Variants in ZMAT1 observed in about 807,000 individuals in gnomAD.
ZMAT1 encodes the protein zinc finger matrin-type protein 1.
In ZMAT1, 11 loss-of-function variants were observed where a neutral mutation model predicts 18.5. The observed-to-expected ratio is 0.59, with a 90% CI of 0.37 to 0.98. ZMAT1 has a LOEUF of 0.98. Ranked by LOEUF, ZMAT1 falls within the 50% of genes least tolerant of loss-of-function variation. The pLI, the probability that ZMAT1 is intolerant of heterozygous loss-of-function variation, is 0.01. For synonymous variants in ZMAT1, 211 were observed against 176.4 expected, an observed-to-expected ratio of 1.20 and a Z score of -1.55; for missense variants, 525 against 496.2, an observed-to-expected ratio of 1.06 and a Z score of -0.55.
chrX:101,884,651 A>G lies in ZMAT1; in HGVS notation c.947T>C (p.Val316Ala), dbSNP rs1215438097. The G allele has an allele frequency of 5.0e-6, 6 of 1,208,751 alleles. No individual in the cohort carries two copies. Among genetic ancestry groups the G allele is most frequent in the Non-Finnish European group, 6.7e-6 (6 of 894,790 alleles). ...SLETRRYREVVDSRPRHRMFE... is the reference protein window; with the variant it reads ...SLETRRYREVADSRPRHRMFE... ...CATTCTATGTCTGGGTCTGGAATCGACCACTTCTCTGTATCTACGGGTTTC... is the reference window on the plus strand; with the variant it reads ...CATTCTATGTCTGGGTCTGGAATCGGCCACTTCTCTGTATCTACGGGTTTC... Residue 316 changes from valine (V) to alanine (A), a missense_variant, in exon 6 of 6, where the codon GTC becomes GCC. By Grantham distance (64) the Val-to-Ala change is moderately conservative. Coordinates refer to ENST00000651725, the MANE Select transcript of ZMAT1 (RefSeq NM_001394560.1).
At chrX:101,918,449 C>CAT (rs772040542) in intron 1 of ZMAT1, 1 of 58,834 alleles carries the variant, frequency 1.7e-5, no homozygotes, top group Non-Finnish European at 3.3e-5. Context: ...CTAAAATACA[C>CAT]ACACACACAC....
intron 2 of ZMAT1, among the ~76,000 whole-genome samples, chrX:101,898,801 A>G (rs1310666428): frequency 1.8e-5 from 2 of 112,017 alleles, no homozygotes; most frequent in Non-Finnish European, 3.8e-5. Context: ...CTGTAATCCC[A>G]GCACTTTGCG....
At chrX:101,893,743 T>G (rs966279636) in intron 4 of ZMAT1, among the ~76,000 whole-genome samples, 1 of 111,234 alleles carries the variant, frequency 9.0e-6, no homozygotes, top group Admixed American at 9.6e-5. Flanking sequence ...AGGAAGCACA[T>G]AAGATTAACC....
intron 1 of ZMAT1, among the ~76,000 whole-genome samples, chrX:101,906,018 G>A (rs1928601052): frequency 9.0e-6 from 1 of 111,154 alleles, no homozygotes; most frequent in African/African-American, 3.3e-5. Context: ...ACCAAGCCCA[G>A]CATAGAGTGG....
At chrX:101,909,401 A>T (rs1928812625) in intron 1 of ZMAT1, among the ~76,000 whole-genome samples, 1 of 111,362 alleles carries the variant, frequency 9.0e-6, no homozygotes, top group Admixed American at 9.5e-5. Flanking sequence ...GGAAAAGTAA[A>T]GAGGACTTTG....
chrX:101,893,607 A>G (rs1010548342), intron 4 of ZMAT1, among the ~76,000 whole-genome samples: 6 of 111,844 alleles, frequency 5.4e-5, no homozygotes, highest in Admixed American at 1.9e-4. Flanking sequence ...AAGTGGTCCT[A>G]TTTCTGTGCG....
chrX:101,907,163 C>T (rs919551788), intron 1 of ZMAT1, among the ~76,000 whole-genome samples: 9 of 112,162 alleles, frequency 8.0e-5, no homozygotes, highest in African/African-American at 2.9e-4. Context: ...TCAGCCATCT[C>T]CTATAGACTC....
rs1161232053 is a variant in ZMAT1, at chrX:101,929,456, T to TATATATATATATAC, written c.292+2260_292+2261insGTATATATATATAT. 4.7e-5 allele frequency among the ~76,000 whole-genome samples: 4 copies of TATATATATATATAC among 85,476 alleles called. 1 individual carries two copies. Among genetic ancestry groups the TATATATATATATAC allele is most frequent in the African/African-American group, 8.4e-5 (2 of 23,766 alleles). 74.2% of individuals were successfully genotyped at this position (85,476 alleles called of 115,157 possible). ...ATATATATATATATATATATATATA[T>TATATATATATATAC]ACACACAGAGAGAGAGAGAGAGAGA... On this transcript the variant is annotated intron_variant, in intron 1 of 5. Transcript: ENST00000651725.
At position 101,919,102 on chromosome X, in the gene ZMAT1, A is replaced by C. The variant is rs1404017532; in HGVS notation, c.292+12615T>G. 4.8e-4 allele frequency among the ~76,000 whole-genome samples: 54 copies of C among 111,572 alleles called. No individual in the cohort carries two copies. In the Admixed American group the frequency reaches 5.2e-3, roughly 11 times the overall value. ...CTTCTCCCCAGAAAATTATTGACTC[A>C]TATCAATTCTAGCTTATAACATTTT... On this transcript the variant is annotated intron_variant, in intron 1 of 5. Coordinates refer to ENST00000651725, the MANE Select transcript of ZMAT1 (RefSeq NM_001394560.1).
At chrX:101,894,813 A>C in intron 4 of ZMAT1, 1 of 752,781 alleles carries the variant, frequency 1.3e-6, no homozygotes, top group Non-Finnish European at 1.6e-6. Flanking sequence ...GGGTAAAGAA[A>C]GAACTGAAAA....
At chrX:101,918,208 T>C (rs1929464583) in intron 1 of ZMAT1, among the ~76,000 whole-genome samples, 1 of 111,316 alleles carries the variant, frequency 9.0e-6, no homozygotes, top group Non-Finnish European at 1.9e-5. Context: ...ATGGATAAAT[T>C]AGGGGATGGA....
At chrX:101,931,356 T>G in intron 1 of ZMAT1, 1 of 644,238 alleles carries the variant, frequency 1.6e-6, no homozygotes, top group Non-Finnish European at 1.9e-6. Context: ...TCTTGCCTCC[T>G]CTCTCTTCCA....
At chrX:101,903,950 T>C (rs763827142) in intron 2 of ZMAT1, among the ~76,000 whole-genome samples, 1 of 111,780 alleles carries the variant, frequency 8.9e-6, no homozygotes, top group South Asian at 3.8e-4. Context: ...TTATATTTAA[T>C]ACAAGGGTGG....
Position 101,898,040 on chromosome X carries a change from C to A in ZMAT1, c.504G>T (p.Val168=), listed in dbSNP as rs1254027502. ...KMKMHVENFQ[V]HRYEGVDKNK... The stretch of plus-strand genomic sequence containing the variant: ...TTTTGTCCACTCCTTCATACCTATG[C>A]ACCTGAAATAGGCACAATCTTGTTA... The change falls in exon 4 of 6, where the codon GTG becomes GTT. Residue 168 remains valine, a splice_region_variant and synonymous_variant. Coordinates refer to ENST00000651725, the MANE Select transcript of ZMAT1 (RefSeq NM_001394560.1). The A allele has an allele frequency of 7.4e-6, 9 of 1,210,704 alleles. No homozygotes were observed. In the South Asian group the frequency reaches 1.4e-4, roughly 19 times the overall value.
intron 1 of ZMAT1, chrX:101,911,528 G>A (rs1263667132): frequency 1.9e-6 from 2 of 1,034,333 alleles, no homozygotes; most frequent in African/African-American, 3.8e-5. Context: ...AAGTTAAAAA[G>A]TCACCTCACC....
chrX:101,928,043 G>C (rs764918379), intron 1 of ZMAT1, among the ~76,000 whole-genome samples: 1 of 111,956 alleles, frequency 8.9e-6, no homozygotes, highest in South Asian at 3.7e-4. Flanking sequence ...CACACCATTA[G>C]ATTTACAGTA....
intron 5 of ZMAT1, 86 bp from the exon 6 acceptor site, chrX:101,884,907 C>A: frequency 1.8e-6 from 1 of 543,769 alleles, no homozygotes. Flanking sequence ...TCTGAAAAAA[C>A]AAAAACAACA....
At chrX:101,917,925 C>T (rs963741760) in intron 1 of ZMAT1, among the ~76,000 whole-genome samples, 8 of 111,844 alleles carry the variant, frequency 7.2e-5, no homozygotes, top group South Asian at 3.7e-4. Flanking sequence ...GTGAAATAAA[C>T]CAGGCACAGA....
chrX:101,884,063 G>A lies in ZMAT1; in HGVS notation c.1535C>T (p.Pro512Leu), dbSNP rs755322725. The A allele has an allele frequency of 3.3e-6, 4 of 1,207,784 alleles. No individual in the cohort carries two copies. The highest frequency in any genetic ancestry group is 3.0e-5 in the East Asian group (1 of 33,701). Residue 512 changes from proline to leucine, a missense_variant, in exon 6 of 6, where the codon CCA becomes CTA. Transcript: ENST00000651725. ...PCETFQTYSG[P>L]YSISQVVENQ... Reference sequence around the variant, plus strand: ...TTCCACTACTTGTGAAATACTATATGGTCCTGAATAGGTCTGGAAAGTCTC... The same window carrying A: ...TTCCACTACTTGTGAAATACTATATAGTCCTGAATAGGTCTGGAAAGTCTC...
Sources: gnomAD v4.1 joint callset for allele counts (sites outside exome capture counted in the v4.1 genomes callset) on GRCh38, gnomAD v4.1.1 for gene constraint, MANE v1.5 for transcripts, NCBI Gene and HGNC (gene_info 2026-07-23, HGNC 2026-07-21) for gene names.